DPH6: variants seen among roughly 807,000 people sequenced by gnomAD.
DPH6 encodes the protein diphthine--ammonia ligase.
In DPH6, 33 loss-of-function variants were observed where a neutral mutation model predicts 38.2. The observed-to-expected ratio is 0.86, with a 90% CI of 0.65 to 1.15. DPH6 has a LOEUF of 1.15. Ranked by LOEUF, DPH6 falls within the 50% of genes most tolerant of loss-of-function variation. The probability of loss-of-function intolerance (pLI) is 0.00; values close to 1 mark genes in which losing one functional copy is unlikely to be tolerated. For synonymous variants in DPH6, 108 were observed against 103.0 expected, an observed-to-expected ratio of 1.05 and a Z score of -0.30; for missense variants, 325 against 320.0, an observed-to-expected ratio of 1.02 and a Z score of -0.12.
the DPH6 span, among the ~76,000 whole-genome samples, chr15:35,177,419 T>C: frequency 7.1e-6 from 1 of 140,532 alleles, no homozygotes; most frequent in South Asian, 2.5e-4. Flanking sequence ...TCTACAAAAA[T>C]AATAATAATA....
rs189133034 is a variant in DPH6, at chr15:35,250,256, A to C, written n.201-29674T>G. 1.3e-3 allele frequency among the ~76,000 whole-genome samples: 195 copies of C among 152,220 alleles called. 1 individual carries two copies. Among genetic ancestry groups the C allele is most frequent in the African/African-American group, 4.5e-3 (186 of 41,578 alleles). On this transcript the variant is annotated intron_variant and non_coding_transcript_variant, in intron 3 of 3. Transcript: ENST00000560386. Reference sequence around the variant, plus strand: ...TATATAAGATATACCCTAATGGCTTAACATTTCCAGGTGACTAGAGCTTCC... The same window carrying C: ...TATATAAGATATACCCTAATGGCTTCACATTTCCAGGTGACTAGAGCTTCC...
chr15:35,509,927 T>C (rs902489176), intron 3 of DPH6, among the ~76,000 whole-genome samples: 2 of 152,170 alleles, frequency 1.3e-5, no homozygotes, highest in African/African-American at 4.8e-5. Flanking sequence ...GCTTTAAAGA[T>C]TCAGGTAGCT....
intron 4 of DPH6, among the ~76,000 whole-genome samples, chr15:35,452,705 TAATA>T (rs1410904583): frequency 6.6e-6 from 1 of 152,178 alleles, no homozygotes; most frequent in East Asian, 1.9e-4. Flanking sequence ...CTGAAGCAGT[TAATA>T]AATACAAAAA....
chr15:35,434,998 T>G (rs1442144742), intron 5 of DPH6, among the ~76,000 whole-genome samples: 1 of 151,926 alleles, frequency 6.6e-6, no homozygotes, highest in Non-Finnish European at 1.5e-5. Context: ...GATCTTGAAT[T>G]CCTAAGCTCA....
rs903424440 is a variant in DPH6 at position 35,248,726 on chromosome 15, C to T, written n.201-28144G>A. Among the ~76,000 whole-genome samples the T allele has an allele frequency of 4.6e-5, 7 of 152,234 alleles. No homozygotes were observed. The South Asian group carries it at 8.3e-4, about 18-fold the overall frequency. ...GGGGTGTCAGCCATGACCTTTATGA[C>T]GGAGAGGACAGGTATCACCATCTCT... On this transcript the variant is annotated intron_variant and non_coding_transcript_variant, in intron 3 of 3. Coordinates refer to the DPH6 transcript ENST00000560386.
Position 35,333,980 on chromosome 15 carries a change from T to C in DPH6, n.208-2903A>G, listed in dbSNP as rs139362136. ...CAAGATCTTGTCCTTTGCAGGGACA[T>C]GGATGGAATTGGAAGCCATTATCCA... On this transcript the variant is annotated intron_variant and non_coding_transcript_variant, in intron 3 of 3. Coordinates refer to the DPH6 transcript ENST00000558973. Among the ~76,000 whole-genome samples, 138 of 152,208 alleles carry C rather than the reference T, an allele frequency of 9.1e-4. 1 individual carries two copies. In the East Asian group the frequency reaches 0.017, roughly 18 times the overall value.
At chr15:35,305,831 A>G (rs183882081) in intron 3 of DPH6, among the ~76,000 whole-genome samples, 44 of 152,324 alleles carry the variant, frequency 2.9e-4, no homozygotes, top group Non-Finnish European at 5.0e-4. Context: ...CTCAGACCTC[A>G]AGGGTCAAAA....
intron 3 of DPH6, among the ~76,000 whole-genome samples, chr15:35,485,653 A>C (rs2054387836): frequency 6.6e-6 from 1 of 152,104 alleles, no homozygotes; most frequent in African/African-American, 2.4e-5. Context: ...CCCATGCTTT[A>C]TTTTCCCTGT....
At chr15:35,353,322 G>C (rs2052531938) in intron 3 of DPH6, among the ~76,000 whole-genome samples, 1 of 152,184 alleles carries the variant, frequency 6.6e-6, no homozygotes, top group South Asian at 2.1e-4. Context: ...TGTTGCCATT[G>C]CTTTTGGTGT....
chr15:35,238,000 T>G, intron 3 of DPH6: 1 of 1,504,294 alleles, frequency 6.6e-7, no homozygotes, highest in Non-Finnish European at 9.3e-7. Flanking sequence ...AAGAGCTCCG[T>G]GAAGAAGAAA....
intron 3 of DPH6, among the ~76,000 whole-genome samples, chr15:35,488,464 G>T (rs2054433556): frequency 6.6e-6 from 1 of 152,190 alleles, no homozygotes; most frequent in South Asian, 2.1e-4. Context: ...GAAGGCAAAG[G>T]AGAAGCAAGA....
chr15:35,484,866 T>C (rs544957252), intron 3 of DPH6, among the ~76,000 whole-genome samples: 40 of 152,282 alleles, frequency 2.6e-4, no homozygotes, highest in Non-Finnish European at 5.1e-4. Flanking sequence ...AAACCTTTCA[T>C]AATAAAACGT....
At chr15:35,170,169 T>C in the DPH6 span, among the ~76,000 whole-genome samples, 224 of 152,310 alleles carry the variant, frequency 1.5e-3, 1 homozygote, top group African/African-American at 5.1e-3. Context: ...ACCAAAACTA[T>C]CTTTGGCTTG....
chr15:35,469,396 A>G (rs1441209127), intron 3 of DPH6, among the ~76,000 whole-genome samples: 2 of 152,190 alleles, frequency 1.3e-5, no homozygotes, highest in Non-Finnish European at 2.9e-5. Context: ...CAGAAAAGTT[A>G]AAAGTTAAAA....
At chr15:35,346,394 AT>A (rs1249957404) in intron 3 of DPH6, among the ~76,000 whole-genome samples, 3 of 152,010 alleles carry the variant, frequency 2.0e-5, no homozygotes, top group African/African-American at 7.2e-5. Context: ...TATTTTAGAA[AT>A]TTTTCCATTT....
the DPH6 span, among the ~76,000 whole-genome samples, chr15:35,150,785 T>A: frequency 0.95 from 144,018 of 152,292 alleles, 68,221 homozygotes; most frequent in East Asian, 1. Context: ...AAACAATAAC[T>A]AAGATTTAGA....
chr15:35,200,665 G>C, the DPH6 span, among the ~76,000 whole-genome samples: 4 of 151,728 alleles, frequency 2.6e-5, no homozygotes, highest in African/African-American at 9.7e-5. Context: ...AAAGGAGGAA[G>C]AAAAGGAAAG....
intron 3 of DPH6, among the ~76,000 whole-genome samples, chr15:35,472,653 A>C (rs544798119): frequency 1.3e-5 from 2 of 152,232 alleles, no homozygotes; most frequent in South Asian, 4.1e-4. Context: ...AACAGTATGT[A>C]ATCATTTAAG....
intron 3 of DPH6, among the ~76,000 whole-genome samples, chr15:35,306,570 C>T (rs946675666): frequency 6.6e-6 from 1 of 152,174 alleles, no homozygotes; most frequent in African/African-American, 2.4e-5. Flanking sequence ...TAATTCTAAA[C>T]CTATTGCCTT....
Sources: allele counts gnomAD v4.1 joint callset (sites outside exome capture counted in the v4.1 genomes callset), GRCh38; gene constraint gnomAD v4.1.1; transcripts MANE v1.5; gene names NCBI Gene and HGNC (gene_info 2026-07-23, HGNC 2026-07-21).